The following TACR1 variants were observed in gnomAD, a reference collection of about 807,000 sequenced individuals.
TACR1 encodes the protein substance-P receptor.
TACR1 carries 25 observed loss-of-function variants against 35.8 expected under a neutral mutation model. The ratio of observed to expected loss-of-function variants is 0.70; its 90% CI spans 0.51 to 0.98. The LOEUF (loss-of-function observed/expected upper bound fraction) is 0.98, where lower values mean the gene tolerates loss of function less well. TACR1 is among the 50% of genes least tolerant of loss of function. TACR1 has a pLI of 0.00. For synonymous variants in TACR1, 195 were observed against 206.7 expected (o/e 0.94, Z 0.48); for missense variants, 478 against 522.9 (o/e 0.91, Z 0.84).
intron 2 of TACR1, among the ~76,000 whole-genome samples, chr2:75,074,880 G>A (rs1672950980): frequency 6.6e-6 from 1 of 152,174 alleles, no homozygotes; most frequent in Non-Finnish European, 1.5e-5. Context: ...AGCTGGTCTT[G>A]ATTTACCTGG....
At chr2:75,132,518 CTTT>C (rs1187626710) in intron 1 of TACR1, among the ~76,000 whole-genome samples, 1 of 152,156 alleles carries the variant, frequency 6.6e-6, no homozygotes, top group Non-Finnish European at 1.5e-5. Context: ...TGTCAGACTT[CTTT>C]TTATTTCATT....
chr2:75,096,559 C>G (rs1673429377), intron 2 of TACR1, among the ~76,000 whole-genome samples: 1 of 152,080 alleles, frequency 6.6e-6, no homozygotes, highest in African/African-American at 2.4e-5. Context: ...TTGTACAGGG[C>G]TATTGTGCAA....
In TACR1 at chr2:75,129,009, C is replaced by T. The variant is rs140600272; in HGVS notation, c.390-8241G>A. ...TAGGTAGGAGGTGTGTGCTGACACA[C>T]GGGAGACTCAGGTTTATAGAAATTT... On this transcript the variant is annotated intron_variant, in intron 1 of 4. Transcript: ENST00000305249. Among the ~76,000 whole-genome samples the T allele has an allele frequency of 6.6e-4, 100 of 152,122 alleles. 1 individual carries two copies. The highest frequency in any genetic ancestry group is 1.8e-3 in the African/African-American group (74 of 41,496).
At chr2:75,172,267 T>C (rs936120252) in intron 1 of TACR1, among the ~76,000 whole-genome samples, 2 of 152,184 alleles carry the variant, frequency 1.3e-5, no homozygotes, top group Non-Finnish European at 2.9e-5. Flanking sequence ...TTCTAGCATC[T>C]AAATCTGGAA....
intron 2 of TACR1, among the ~76,000 whole-genome samples, chr2:75,119,791 G>C (rs1189553800): frequency 6.6e-6 from 1 of 152,190 alleles, no homozygotes; most frequent in Admixed American, 6.5e-5. Context: ...CCTGGGTGTA[G>C]GTGTATTGTT....
chr2:75,160,507 G>A (rs1385993607), intron 1 of TACR1, among the ~76,000 whole-genome samples: 1 of 151,906 alleles, frequency 6.6e-6, no homozygotes, highest in East Asian at 1.9e-4. Context: ...GAAATAAAAA[G>A]GAACTTGCTG....
At chr2:75,147,701 G>A (rs1178604586) in intron 1 of TACR1, among the ~76,000 whole-genome samples, 1 of 150,654 alleles carries the variant, frequency 6.6e-6, no homozygotes, top group Non-Finnish European at 1.5e-5. Flanking sequence ...GAGGATGATG[G>A]CTTTCAGCTT....
intron 1 of TACR1, among the ~76,000 whole-genome samples, chr2:75,140,331 T>C (rs1395075864): frequency 6.6e-6 from 1 of 152,132 alleles, no homozygotes; most frequent in Non-Finnish European, 1.5e-5. Context: ...AAGTTTTGTT[T>C]TACTTTTTGA....
chr2:75,177,301 C>T (rs544862643), intron 1 of TACR1, among the ~76,000 whole-genome samples: 1 of 152,178 alleles, frequency 6.6e-6, no homozygotes, highest in African/African-American at 2.4e-5. Context: ...CACCACTGTT[C>T]CTGTCTTCAC....
At chr2:75,136,055 C>A (rs1364704735) in intron 1 of TACR1, among the ~76,000 whole-genome samples, 2 of 152,190 alleles carry the variant, frequency 1.3e-5, no homozygotes, top group African/African-American at 4.8e-5. Context: ...CAGGATTGCA[C>A]AGGCGGAGAA....
intron 1 of TACR1, among the ~76,000 whole-genome samples, chr2:75,191,582 T>G (rs1318131122): frequency 6.6e-6 from 1 of 152,164 alleles, no homozygotes; most frequent in Non-Finnish European, 1.5e-5. Context: ...CCTGTGGGGC[T>G]CAGTCAACTG....
At chr2:75,095,504 G>C (rs79809954) in intron 2 of TACR1, among the ~76,000 whole-genome samples, 1 of 152,176 alleles carries the variant, frequency 6.6e-6, no homozygotes, top group Admixed American at 6.5e-5. Context: ...AGGGCGTTTC[G>C]AGAGGGAAGA....
intron 2 of TACR1, among the ~76,000 whole-genome samples, chr2:75,067,509 G>T (rs1165857834): frequency 1.3e-5 from 2 of 152,170 alleles, no homozygotes; most frequent in Non-Finnish European, 2.9e-5. Flanking sequence ...CTTTTGAGAT[G>T]CTTGAAGTAT....
chr2:75,134,739 A>G (rs1388433729), intron 1 of TACR1, among the ~76,000 whole-genome samples: 1 of 152,232 alleles, frequency 6.6e-6, no homozygotes, highest in East Asian at 1.9e-4. Flanking sequence ...TCAGTATTGT[A>G]TCTTCTATTT....
chr2:75,168,418 C>G (rs1675197067), intron 1 of TACR1, among the ~76,000 whole-genome samples: 1 of 152,192 alleles, frequency 6.6e-6, no homozygotes, highest in African/African-American at 2.4e-5. Context: ...GAGAATCTTT[C>G]TTAGCTGTGG....
At chr2:75,084,072 A>G (rs562174853) in intron 2 of TACR1, among the ~76,000 whole-genome samples, 46 of 152,336 alleles carry the variant, frequency 3.0e-4, no homozygotes, top group African/African-American at 1.1e-3. Flanking sequence ...TTTGTCATAA[A>G]TAGCTCTTAT....
At chr2:75,113,154 T>C (rs1005899463) in intron 2 of TACR1, among the ~76,000 whole-genome samples, 1 of 152,210 alleles carries the variant, frequency 6.6e-6, no homozygotes, top group African/African-American at 2.4e-5. Context: ...TCATTCCCCT[T>C]TACCTCCAAG....
At chr2:75,168,129 A>C (rs774585209) in intron 1 of TACR1, among the ~76,000 whole-genome samples, 2 of 152,238 alleles carry the variant, frequency 1.3e-5, no homozygotes, top group Admixed American at 6.5e-5. Flanking sequence ...CAGACTATGT[A>C]GAAGAATACT....
chr2:75,087,042 A>C (rs908694908), intron 2 of TACR1, among the ~76,000 whole-genome samples: 1 of 152,182 alleles, frequency 6.6e-6, no homozygotes, highest in Non-Finnish European at 1.5e-5. Context: ...TGTAAGTTTA[A>C]AATACACATT....
Sources: gnomAD v4.1 joint callset for allele counts (sites outside exome capture counted in the v4.1 genomes callset) on GRCh38, gnomAD v4.1.1 for gene constraint, MANE v1.5 for transcripts, NCBI Gene and HGNC (gene_info 2026-07-23, HGNC 2026-07-21) for gene names.